TIAM1: variants seen among roughly 807,000 people sequenced by gnomAD.
TIAM1 encodes TIAM Rac1 associated GEF 1.
A neutral mutation model predicts 163.5 loss-of-function variants in TIAM1; 65 were observed. The ratio of observed to expected loss-of-function variants is 0.40; its 90% CI spans 0.33 to 0.49. The LOEUF (loss-of-function observed/expected upper bound fraction) is 0.49. Ranked by LOEUF, TIAM1 falls within the 20% of genes least tolerant of loss-of-function variation. The pLI is 0.77. For missense variants in TIAM1, 1,789 were observed against 2,044.7 expected, an observed-to-expected ratio of 0.87 and a Z score of 2.41; for synonymous variants, 833 against 810.1, an observed-to-expected ratio of 1.03 and a Z score of -0.48.
At chr21:31,394,702 TC>T (rs1569293309) in intron 2 of TIAM1, among the ~76,000 whole-genome samples, 4 of 94,920 alleles carry the variant, frequency 4.2e-5, no homozygotes, top group Non-Finnish European at 6.5e-5. Flanking sequence ...TCTCTCTCTC[TC>T]TCTCGCTCTC....
chr21:31,230,826 G>A (rs545041947), intron 6 of TIAM1, among the ~76,000 whole-genome samples: 2 of 152,050 alleles, frequency 1.3e-5, no homozygotes, highest in Admixed American at 6.5e-5. Context: ...ACACCACCAA[G>A]CCCAGGTAAT....
intron 2 of TIAM1, among the ~76,000 whole-genome samples, chr21:31,303,011 G>A (rs1479897764): frequency 2.6e-5 from 4 of 152,162 alleles, no homozygotes; most frequent in Admixed American, 6.5e-5. Context: ...ACTCTGATGT[G>A]TAAGTTGCTA....
chr21:31,286,889 ACTC>A (rs1250930900), intron 2 of TIAM1, among the ~76,000 whole-genome samples: 1 of 151,650 alleles, frequency 6.6e-6, no homozygotes, highest in African/African-American at 2.4e-5. Context: ...GTCCCAAGTC[ACTC>A]CCTGGGCACT....
At chr21:31,375,279 C>A (rs991949651) in intron 2 of TIAM1, among the ~76,000 whole-genome samples, 1 of 152,134 alleles carries the variant, frequency 6.6e-6, no homozygotes, top group African/African-American at 2.4e-5. Flanking sequence ...CTAACAAACA[C>A]AAACAGAGCA....
rs374718575 is a variant in TIAM1 at position 31,141,301 on chromosome 21, C to T, written c.3655+24G>A. Reference sequence around the variant, plus strand: ...GACCCTCATGGAGACTCAGGCCTGCCGGGGGTCCCAGGCCGAGGCCTACCG... The same window carrying T: ...GACCCTCATGGAGACTCAGGCCTGCTGGGGGTCCCAGGCCGAGGCCTACCG... On this transcript the variant is annotated intron_variant, in intron 21 of 27. Transcript: ENST00000541036. The surrounding 1 kb of genome is among the most constrained non-coding windows in gnomAD (Gnocchi z 4.7). The T allele has an allele frequency of 8.7e-6, 14 of 1,613,442 alleles. No individual in the cohort carries two copies. Among genetic ancestry groups the T allele is most frequent in the Non-Finnish European group, 1.2e-5 (14 of 1,179,688 alleles).
intron 1 of TIAM1, among the ~76,000 whole-genome samples, chr21:31,508,162 A>T (rs1483957114): frequency 6.6e-6 from 1 of 152,104 alleles, no homozygotes; most frequent in East Asian, 1.9e-4. Context: ...CTTCAGAGTG[A>T]ACGTGGCCCT....
chr21:31,430,775 C>T lies in TIAM1; in HGVS notation c.-369+33208G>A, dbSNP rs200267608. ...AATTCCTTATTGTTCTGTATCTTTT[C>T]CTCCACTCTCACCTTAGATTTTGAG... On this transcript the variant is annotated intron_variant, in intron 2 of 28. Transcript: ENST00000286827. 6.6e-5 allele frequency among the ~76,000 whole-genome samples: 10 copies of T among 152,142 alleles called. No homozygotes were observed. The East Asian group carries it at 1.9e-3, about 29-fold the overall frequency.
chr21:31,494,426 G>A lies in TIAM1; in HGVS notation c.-421-30391C>T, dbSNP rs530005310. Among the ~76,000 whole-genome samples, 3 of 152,298 alleles carry A rather than the reference G, an allele frequency of 2.0e-5. No homozygotes were observed. In the South Asian group the frequency reaches 6.2e-4, roughly 32 times the overall value. The stretch of plus-strand genomic sequence containing the variant: ...CCAAAGCAAACATGAGGAAAGCACA[G>A]AAGCTGAACAAACACTCCAGGAAAG... On this transcript the variant is annotated intron_variant, in intron 1 of 28. Coordinates refer to the TIAM1 transcript ENST00000286827.
chr21:31,327,729 C>T (rs185687690), intron 2 of TIAM1, among the ~76,000 whole-genome samples: 2 of 150,822 alleles, frequency 1.3e-5, no homozygotes, highest in South Asian at 2.1e-4. Flanking sequence ...AAATAAAGAC[C>T]ACCCCACCAT....
At chr21:31,400,120 CTT>C (rs3216556) in intron 2 of TIAM1, among the ~76,000 whole-genome samples, 1 of 145,412 alleles carries the variant, frequency 6.9e-6, no homozygotes, top group South Asian at 2.2e-4. Context: ...GGACAACACT[CTT>C]TTTTTTTTTC....
At chr21:31,263,205 G>A (rs143740916) in intron 4 of TIAM1, among the ~76,000 whole-genome samples, 1,583 of 152,280 alleles carry the variant, frequency 0.01, 14 homozygotes, top group Non-Finnish European at 0.017. Flanking sequence ...CTCCACAAGA[G>A]GTTTCCATGC....
At chr21:31,316,062 C>T (rs1362277105) in intron 2 of TIAM1, among the ~76,000 whole-genome samples, 1 of 152,124 alleles carries the variant, frequency 6.6e-6, no homozygotes, top group African/African-American at 2.4e-5. Flanking sequence ...TGTCAATAAC[C>T]TTCACTCATT....
chr21:31,331,947 A>T (rs1399959787), intron 2 of TIAM1, among the ~76,000 whole-genome samples: 1 of 152,228 alleles, frequency 6.6e-6, no homozygotes, highest in Non-Finnish European at 1.5e-5. Flanking sequence ...ACAAGGTCCC[A>T]GCGAAAACAT....
chr21:31,422,792 G>A (rs2043624039), intron 2 of TIAM1, among the ~76,000 whole-genome samples: 1 of 152,122 alleles, frequency 6.6e-6, no homozygotes, highest in Non-Finnish European at 1.5e-5. Context: ...CCCTGCCATG[G>A]ACATATTGGC....
At chr21:31,324,677 C>G (rs1212785358) in intron 2 of TIAM1, among the ~76,000 whole-genome samples, 1 of 152,134 alleles carries the variant, frequency 6.6e-6, no homozygotes, top group Non-Finnish European at 1.5e-5. Flanking sequence ...TAGCCTACCT[C>G]TGAATTCTAG....
At chr21:31,123,092 G>A (rs1322863577) in intron 27 of TIAM1, among the ~76,000 whole-genome samples, 1 of 152,208 alleles carries the variant, frequency 6.6e-6, no homozygotes, top group Non-Finnish European at 1.5e-5. Flanking sequence ...AATCATGACG[G>A]ACGATGGTGT....
At chr21:31,473,429 CAAAAAAAAAAAAAAA>C (rs56691495) in intron 1 of TIAM1, among the ~76,000 whole-genome samples, 78 of 75,712 alleles carry the variant, frequency 1.0e-3, no homozygotes, top group Admixed American at 6.4e-3. Flanking sequence ...GACTCCATCT[CAAAAAAAAAAAAAAA>C]AAAAAAAAAA....
chr21:31,335,440 C>G (rs916153910), intron 2 of TIAM1, among the ~76,000 whole-genome samples: 3 of 152,076 alleles, frequency 2.0e-5, no homozygotes, highest in Non-Finnish European at 2.9e-5. Flanking sequence ...AAGCCAGGTG[C>G]GGTGGCTCAT....
chr21:31,305,963 G>T (rs541579729), intron 2 of TIAM1, among the ~76,000 whole-genome samples: 1 of 152,114 alleles, frequency 6.6e-6, no homozygotes, highest in Admixed American at 6.5e-5. Flanking sequence ...GGGAGGAACC[G>T]CCAGTGTCCT....
Sources: allele counts gnomAD v4.1 joint callset (sites outside exome capture counted in the v4.1 genomes callset), GRCh38; gene constraint gnomAD v4.1.1; non-coding constraint Gnocchi (gnomAD v3.1); transcripts MANE v1.5; gene names NCBI Gene and HGNC (gene_info 2026-07-23, HGNC 2026-07-21).